EXOC1: variants seen among roughly 807,000 people sequenced by gnomAD.
The protein encoded by EXOC1 is exocyst complex component 1.
EXOC1 carries 67 observed loss-of-function variants against 107.7 expected under a neutral mutation model. That is an observed-to-expected ratio of 0.62 (90% CI 0.51 to 0.76). The LOEUF is 0.76. Ranked by LOEUF, EXOC1 falls within the 30% of genes least tolerant of loss-of-function variation. The pLI is 0.00. For synonymous variants in EXOC1, 348 were observed against 353.5 expected (o/e 0.98, Z 0.17); for missense variants, 833 against 1,055.7 (o/e 0.79, Z 2.92).
In EXOC1 at chr4:55,904,688, C is replaced by T; in HGVS notation, c.*193C>T. On this transcript the variant is annotated 3_prime_UTR_variant, in exon 19 of 19. Transcript: ENST00000381295. ...CAACCTATATAGCAGTTTTATTTGC[C>T]CTATAGGTTGCATACTAACTTAAGC... The T allele has an allele frequency of 2.2e-6, 1 of 452,112 alleles. No homozygotes were observed. Among genetic ancestry groups the T allele is most frequent in the East Asian group, 3.6e-5 (1 of 27,792 alleles). The allele number at this position is 452,112 out of a possible 1,614,324, so 28.0% of individuals were successfully genotyped here.
rs1394592819 is a variant in EXOC1, at chr4:55,870,848, A to G, written c.774A>G (p.Leu258=). 4.3e-6 allele frequency: 7 copies of G among 1,613,932 alleles called. No individual in the cohort carries two copies. Among genetic ancestry groups the G allele is most frequent in the Non-Finnish European group, 5.9e-6 (7 of 1,179,914 alleles). ...ATCAGATCTCTGAAAGCAACCACCT[A>G]ATTCATCTTAGTAACACTAATAATG... ...QMDQISESNH[L]IHLSNTNNVK... Residue 258 remains leucine (L), a synonymous_variant, in exon 6 of 19, where the codon CTA becomes CTG. Transcript: ENST00000381295.
At chr4:55,856,603 TAGAA>T (rs1388367981) in intron 1 of EXOC1, among the ~76,000 whole-genome samples, 6 of 152,178 alleles carry the variant, frequency 3.9e-5, no homozygotes, top group Admixed American at 2.6e-4. Context: ...CATTTTCCCA[TAGAA>T]AGAAATAGTG....
chr4:55,860,608 A>T, intron 3 of EXOC1, 67 bp downstream of exon 3: 1 of 1,535,094 alleles, frequency 6.5e-7, no homozygotes. Context: ...ATGGTATTAC[A>T]TATTCTAAAA....
Position 55,893,660 on chromosome 4 carries a change from T to C in EXOC1, c.1833T>C (p.Tyr611=), listed in dbSNP as rs764338621. The C allele has an allele frequency of 6.2e-7, 1 of 1,614,174 alleles. No individual in the cohort carries two copies. The highest frequency in any genetic ancestry group is 8.5e-7 in the Non-Finnish European group (1 of 1,180,004). Residue 611 remains tyrosine (Y), a synonymous_variant, in exon 15 of 19, where the codon TAT becomes TAC. Transcript: ENST00000381295. ...GDKIDSFNSL[Y]MLVKMSHHVW... ...AAATTGATAGCTTTAACTCTCTTTA[T>C]ATGTTAGTCAAAATGAGTCATCATG...
In EXOC1 at chr4:55,890,216, T is replaced by G; in HGVS notation, c.1376-7T>G. ...ATCACAACTTTCAAAGTTTTATTAT[T>G]TCTTAGGTCTTCATGGAAGTTCGGG... is the stretch of plus-strand genomic sequence containing the variant. On this transcript the variant is annotated splice_region_variant and splice_polypyrimidine_tract_variant and intron_variant, in intron 11 of 18. Transcript: ENST00000381295. 3.7e-6 allele frequency: 6 copies of G among 1,613,376 alleles called. No homozygotes were observed. The highest frequency in any genetic ancestry group is 1.7e-4 in the Middle Eastern group (1 of 6,058).
chr4:55,868,307 A>T, intron 4 of EXOC1, 29 bp from the exon 5 acceptor site: 1 of 1,576,490 alleles, frequency 6.3e-7, no homozygotes, highest in Admixed American at 1.8e-5. Context: ...TTTTTTGACT[A>T]TTTTACTTTG....
intron 11 of EXOC1, among the ~76,000 whole-genome samples, chr4:55,889,218 A>G (rs751263872): frequency 6.6e-6 from 1 of 152,234 alleles, no homozygotes; most frequent in Non-Finnish European, 1.5e-5. Flanking sequence ...AAAAAATCTT[A>G]TATAGATATG....
chr4:55,883,838 T>G lies in EXOC1; in HGVS notation c.1240T>G (p.Leu414Val). Residue 414 changes from leucine to valine, a missense_variant, in exon 10 of 19, where the codon TTA (leucine) becomes GTA (valine). Transcript: ENST00000381295. The part of the protein sequence containing the change: ...EGLTKNYMDY[L>V]SRLYEREIKD... ...TTATTTTAAGAATTACATGGATTATTTATCCCGACTATATGAAAGAGAAAT... is the reference window on the plus strand; with the variant it reads ...TTATTTTAAGAATTACATGGATTATGTATCCCGACTATATGAAAGAGAAAT... 1.3e-6 allele frequency: 2 copies of G among 1,592,544 alleles called. No homozygotes were observed. The highest frequency in any genetic ancestry group is 1.7e-6 in the Non-Finnish European group (2 of 1,169,226).
At chr4:55,875,551 G>GCT (rs925356254) in intron 8 of EXOC1, 1 of 981,830 alleles carries the variant, frequency 1.0e-6, no homozygotes, top group African/African-American at 1.8e-5. Context: ...CTACCTCCTA[G>GCT]CTGGGTTACC....
intron 5 of EXOC1, among the ~76,000 whole-genome samples, chr4:55,870,241 G>C (rs1197933866): frequency 1.3e-5 from 2 of 152,220 alleles, no homozygotes; most frequent in African/African-American, 2.4e-5. Context: ...AGGTGATTAT[G>C]CTTTTATTTA....
chr4:55,891,287 G>A (rs752106646), intron 12 of EXOC1, 28 bp from the exon 13 acceptor site: 33 of 1,435,598 alleles, frequency 2.3e-5, no homozygotes, highest in South Asian at 4.6e-5. Context: ...CAGTTCTTTC[G>A]TTATAGGATC....
intron 16 of EXOC1, 45 bp from the exon 17 acceptor site, chr4:55,899,640 G>A: frequency 6.6e-7 from 1 of 1,519,880 alleles, no homozygotes; most frequent in Non-Finnish European, 9.0e-7. Flanking sequence ...GCTAAATATG[G>A]TCATACTCAG....
intron 16 of EXOC1, among the ~76,000 whole-genome samples, chr4:55,899,458 A>G (rs979385800): frequency 2.0e-5 from 3 of 152,132 alleles, no homozygotes; most frequent in Non-Finnish European, 2.9e-5. Flanking sequence ...CTGAAAAGCT[A>G]CTTTTATTAT....
chr4:55,874,263 A>G (rs894367200), intron 8 of EXOC1, among the ~76,000 whole-genome samples: 1 of 152,206 alleles, frequency 6.6e-6, no homozygotes, highest in Non-Finnish European at 1.5e-5. Context: ...ATTTCAAAGC[A>G]TTGATTCTCA....
chr4:55,861,169 A>C (rs1721436511), intron 3 of EXOC1, among the ~76,000 whole-genome samples: 1 of 152,060 alleles, frequency 6.6e-6, no homozygotes, highest in African/African-American at 2.4e-5. Flanking sequence ...CAAAGCAATC[A>C]AGTTGGCCTC....
chr4:55,872,512 T>C (rs974555162), intron 8 of EXOC1, among the ~76,000 whole-genome samples: 1 of 152,042 alleles, frequency 6.6e-6, no homozygotes, highest in Non-Finnish European at 1.5e-5. Flanking sequence ...TTAATAATAT[T>C]AAGAGTACCT....
At chr4:55,886,622 C>CTT (rs888948557) in intron 10 of EXOC1, among the ~76,000 whole-genome samples, 129 of 149,434 alleles carry the variant, frequency 8.6e-4, no homozygotes, top group African/African-American at 3.0e-3. Context: ...AGTCAAGGAG[C>CTT]ATCTGTAATT....
chr4:55,890,855 G>A (rs1259261442), intron 12 of EXOC1, among the ~76,000 whole-genome samples: 1 of 152,134 alleles, frequency 6.6e-6, no homozygotes, highest in Admixed American at 6.6e-5. Context: ...TCCCTCCCAG[G>A]TAGCTGGGAT....
At chr4:55,903,093 A>G (rs552683561) in intron 18 of EXOC1, among the ~76,000 whole-genome samples, 3 of 150,736 alleles carry the variant, frequency 2.0e-5, no homozygotes, top group Non-Finnish European at 4.4e-5. Flanking sequence ...CCAGTGAACT[A>G]TGATCCTACC....
Sources: gnomAD v4.1 joint callset for allele counts (sites outside exome capture counted in the v4.1 genomes callset) on GRCh38, gnomAD v4.1.1 for gene constraint, MANE v1.5 for transcripts, NCBI Gene and HGNC (gene_info 2026-07-23, HGNC 2026-07-21) for gene names.